Variants in UBE2V1 observed in about 807,000 individuals in gnomAD.
The protein encoded by UBE2V1 is ubiquitin-conjugating enzyme E2 variant 1.
A neutral mutation model predicts 19.6 loss-of-function variants in UBE2V1; 15 were observed. The observed-to-expected ratio is 0.77, with a 90% CI of 0.51 to 1.18. The LOEUF (loss-of-function observed/expected upper bound fraction) is 1.18, where lower values mean the gene tolerates loss of function less well. Ranked by LOEUF, UBE2V1 falls within the 50% of genes most tolerant of loss-of-function variation. The pLI, the probability that UBE2V1 is intolerant of heterozygous loss-of-function variation, is 0.00. For missense variants in UBE2V1, 125 were observed against 184.8 expected (o/e 0.68, Z 1.88); for synonymous variants, 60 against 60.7 (o/e 0.99, Z 0.05).
chr20:50,092,098 G>C (rs554401940), intron 2 of UBE2V1, among the ~76,000 whole-genome samples: 7 of 151,628 alleles, frequency 4.6e-5, no homozygotes, highest in African/African-American at 1.5e-4. Flanking sequence ...AAGGTGGGCG[G>C]ATCACCTGAG....
chr20:50,101,076 G>T (rs1262703049), intron 1 of UBE2V1, among the ~76,000 whole-genome samples: 1 of 152,166 alleles, frequency 6.6e-6, no homozygotes, highest in Non-Finnish European at 1.5e-5. Context: ...CTGAACCAAA[G>T]AAATAAGTCA....
upstream of UBE2V1, chr20:50,113,276 C>CT (rs1016456506): frequency 5.7e-5 from 31 of 539,876 alleles, no homozygotes; most frequent in Non-Finnish European, 7.7e-5. Context: ...CTGGAAGGCT[C>CT]TTTTCCTTCC....
chr20:50,090,560 CAGAA>C (rs2079161185), intron 2 of UBE2V1, among the ~76,000 whole-genome samples: 1 of 151,568 alleles, frequency 6.6e-6, no homozygotes, highest in African/African-American at 2.4e-5. Context: ...CAGCCAGACA[CAGAA>C]AGACAAAAAG....
chr20:50,109,664 G>A (rs2080618554), intron 1 of UBE2V1, among the ~76,000 whole-genome samples: 2 of 149,704 alleles, frequency 1.3e-5, no homozygotes, highest in Non-Finnish European at 2.9e-5. Context: ...CAGGAGAATC[G>A]CTTGAACCTG....
intron 1 of UBE2V1, chr20:50,109,116 G>A: frequency 2.0e-6 from 2 of 985,424 alleles, no homozygotes; most frequent in Non-Finnish European, 2.4e-6. Flanking sequence ...ACCAGGCTGT[G>A]GAGAGTTAGA....
At chr20:50,106,826 A>C (rs1016678236) in intron 1 of UBE2V1, among the ~76,000 whole-genome samples, 3 of 150,914 alleles carry the variant, frequency 2.0e-5, no homozygotes, top group Non-Finnish European at 1.5e-5. Context: ...CAAGAGTGAA[A>C]CTCTGTTTCA....
intron 1 of UBE2V1, among the ~76,000 whole-genome samples, chr20:50,101,137 G>A (rs576392358): frequency 6.6e-6 from 1 of 152,300 alleles, no homozygotes; most frequent in East Asian, 1.9e-4. Context: ...GACCCACAGA[G>A]GGAAAGGTCA....
chr20:50,110,308 A>G (rs1427939467), intron 1 of UBE2V1, among the ~76,000 whole-genome samples: 2 of 152,248 alleles, frequency 1.3e-5, no homozygotes, highest in African/African-American at 4.8e-5. Flanking sequence ...CCTCTAAGAC[A>G]TATGTAGATA....
chr20:50,109,412 G>GA (rs2080598965), intron 1 of UBE2V1, among the ~76,000 whole-genome samples: 1 of 151,812 alleles, frequency 6.6e-6, no homozygotes, highest in South Asian at 2.1e-4. Flanking sequence ...CATGAAGGGG[G>GA]AAAATCATGA....
chr20:50,096,263 C>T lies in UBE2V1; in HGVS notation c.171+409G>A, dbSNP rs117970872. The T allele has an allele frequency of 1.6e-4, 43 of 272,034 alleles. No individual in the cohort carries two copies. In the East Asian group the frequency reaches 2.6e-3, roughly 16 times the overall value. 16.9% of individuals were successfully genotyped at this position (272,034 alleles called of 1,614,324 possible). ...CCCAAGGAACTAGGATACAGGTGCA[C>T]GGCAGACCTGGGAGACAGTGAAGAA... is the stretch of plus-strand genomic sequence containing the variant. On this transcript the variant is annotated intron_variant, in intron 2 of 3. Transcript: ENST00000371674.
intron 1 of UBE2V1, among the ~76,000 whole-genome samples, chr20:50,103,177 C>G (rs945230907): frequency 6.6e-6 from 1 of 152,166 alleles, no homozygotes; most frequent in African/African-American, 2.4e-5. Flanking sequence ...TCCAATGTGT[C>G]AGGGTGTTTT....
chr20:50,111,679 C>T, intron 1 of UBE2V1: 1 of 766,980 alleles, frequency 1.3e-6, no homozygotes, highest in Non-Finnish European at 1.6e-6. Context: ...AGATCCCCCA[C>T]ATTCAATTTC....
chr20:50,110,367 C>G (rs973915932), intron 1 of UBE2V1, among the ~76,000 whole-genome samples: 4 of 152,226 alleles, frequency 2.6e-5, no homozygotes, highest in African/African-American at 9.6e-5. Context: ...TAGCCAAATG[C>G]TGAAAGCAGT....
At chr20:50,111,977 G>A (rs2080781994) in intron 1 of UBE2V1, among the ~76,000 whole-genome samples, 1 of 152,158 alleles carries the variant, frequency 6.6e-6, no homozygotes, top group Admixed American at 6.5e-5. Context: ...CCAGGCACCT[G>A]AGGGTGCAGC....
At chr20:50,099,489 T>C (rs561528609) in intron 1 of UBE2V1, among the ~76,000 whole-genome samples, 14 of 152,340 alleles carry the variant, frequency 9.2e-5, no homozygotes, top group African/African-American at 3.4e-4. Context: ...GAATTATGGA[T>C]GATTCCCCCT....
intron 1 of UBE2V1, among the ~76,000 whole-genome samples, chr20:50,108,132 C>T (rs566504770): frequency 1.1e-3 from 169 of 152,240 alleles, no homozygotes; most frequent in East Asian, 4.4e-3. Context: ...TTCTATTTTA[C>T]GTCTGTGAAA....
intron 2 of UBE2V1, among the ~76,000 whole-genome samples, chr20:50,086,408 C>G (rs1419923155): frequency 6.6e-6 from 1 of 152,050 alleles, no homozygotes; most frequent in Non-Finnish European, 1.5e-5. Context: ...TCTCTTCACA[C>G]TTTTATATTA....
chr20:50,087,872 G>GCA (rs143995782), intron 2 of UBE2V1, among the ~76,000 whole-genome samples: 3 of 151,934 alleles, frequency 2.0e-5, no homozygotes, highest in Non-Finnish European at 2.9e-5. Context: ...CACTCCTTGG[G>GCA]CACACACACA....
chr20:50,110,235 A>T (rs1012751856), intron 1 of UBE2V1, among the ~76,000 whole-genome samples: 2 of 152,242 alleles, frequency 1.3e-5, no homozygotes, highest in African/African-American at 4.8e-5. Flanking sequence ...CCAAGGCAGG[A>T]GGAAGTCACC....
Sources: allele counts gnomAD v4.1 joint callset (sites outside exome capture counted in the v4.1 genomes callset), GRCh38; gene constraint gnomAD v4.1.1; transcripts MANE v1.5; gene names NCBI Gene and HGNC (gene_info 2026-07-23, HGNC 2026-07-21).